The following MAP2 variants were observed in gnomAD, a reference collection of about 807,000 sequenced individuals.
MAP2 encodes the protein microtubule-associated protein 2.
In MAP2, 14 loss-of-function variants were observed where a neutral mutation model predicts 137.6. That is an observed-to-expected ratio of 0.10 (90% CI 0.07 to 0.16). The LOEUF is 0.16. Ranked by LOEUF, MAP2 falls within the 10% of genes least tolerant of loss-of-function variation. MAP2 has a pLI of 1.00. For missense variants in MAP2, 2,088 were observed against 2,191.5 expected, an observed-to-expected ratio of 0.95 and a Z score of 0.94; for synonymous variants, 786 against 782.3, an observed-to-expected ratio of 1.00 and a Z score of -0.08.
chr2:209,571,741 G>C (rs1017189442), intron 2 of MAP2, among the ~76,000 whole-genome samples: 1 of 151,972 alleles, frequency 6.6e-6, no homozygotes, highest in African/African-American at 2.4e-5. Context: ...GAGAAGACTA[G>C]AACTTTGAGT....
In MAP2 at chr2:209,694,984, T is replaced by A. The variant is rs773227871; in HGVS notation, c.2814T>A (p.His938Gln). 24 of 1,614,064 alleles carry A rather than the reference T, an allele frequency of 1.5e-5. No individual in the cohort carries two copies. The highest frequency in any genetic ancestry group is 1.7e-6 in the Non-Finnish European group (2 of 1,180,036). ...EFSVDKEASAHISGDKSGLSK... is the reference protein window; with the variant it reads ...EFSVDKEASAQISGDKSGLSK... ...GTGTTGACAAAGAAGCATCCGCGCA[T>A]ATCTCTGGTGACAAATCAGGACTGA... The change falls in exon 8 of 16, where the codon CAT becomes CAA. Residue 938 changes from histidine to glutamine, a missense_variant. Physicochemically the swap from His to Gln is conservative, Grantham distance 24 (BLOSUM62 0). Coordinates refer to ENST00000682079, the MANE Select transcript of MAP2 (RefSeq NM_001375505.1).
chr2:209,633,775 A>T (rs2093320744), intron 4 of MAP2, among the ~76,000 whole-genome samples: 1 of 152,122 alleles, frequency 6.6e-6, no homozygotes. Context: ...GCAGGAAAAG[A>T]TACGTTAAAG....
intron 5 of MAP2, chr2:209,661,795 C>T: frequency 2.0e-6 from 1 of 495,690 alleles, no homozygotes; most frequent in African/African-American, 2.1e-5. Context: ...AGGATTTGAA[C>T]CTAATTTAGG....
In MAP2 at chr2:209,712,849, A is replaced by G. The variant is rs1443209092; in HGVS notation, c.5073+2595A>G. Among the ~76,000 whole-genome samples the G allele has an allele frequency of 4.6e-5, 7 of 152,150 alleles. No individual in the cohort carries two copies. In the South Asian group the frequency reaches 1.2e-3, roughly 27 times the overall value. On this transcript the variant is annotated intron_variant, in intron 13 of 15. Coordinates refer to ENST00000682079, the MANE Select transcript of MAP2 (RefSeq NM_001375505.1). ...ATGACATGTTAAAGACCTTTATTAG[A>G]TGATCGAGCATCTATACATGCATAC...
At chr2:209,600,250 A>G (rs2082591123) in intron 3 of MAP2, among the ~76,000 whole-genome samples, 1 of 152,198 alleles carries the variant, frequency 6.6e-6, no homozygotes, top group Admixed American at 6.5e-5. Context: ...GGAACTGTAT[A>G]TTATCCAAAG....
intron 2 of MAP2, among the ~76,000 whole-genome samples, chr2:209,574,154 T>C (rs923959638): frequency 7.2e-5 from 11 of 152,178 alleles, no homozygotes; most frequent in African/African-American, 2.7e-4. Context: ...TTGCTCATTC[T>C]ACATGATGCT....
intron 3 of MAP2, among the ~76,000 whole-genome samples, chr2:209,581,509 C>T (rs971718751): frequency 6.6e-6 from 1 of 152,136 alleles, no homozygotes; most frequent in Admixed American, 6.5e-5. Flanking sequence ...AGGATTATTT[C>T]ACCTAGATAT....
At chr2:209,510,134 G>A (rs1371283766) in intron 2 of MAP2, among the ~76,000 whole-genome samples, 1 of 151,084 alleles carries the variant, frequency 6.6e-6, no homozygotes, top group Non-Finnish European at 1.5e-5. Flanking sequence ...TTAAAAAAAT[G>A]TGTATTGGTT....
At chr2:209,650,102 C>T (rs1243116370) in intron 4 of MAP2, among the ~76,000 whole-genome samples, 6 of 152,106 alleles carry the variant, frequency 3.9e-5, no homozygotes, top group Admixed American at 3.9e-4. Context: ...TTCCAGAAAG[C>T]TCTATGGCAG....
chr2:209,450,130 T>A (rs1700003492), intron 1 of MAP2, among the ~76,000 whole-genome samples: 1 of 151,992 alleles, frequency 6.6e-6, no homozygotes, highest in African/African-American at 2.4e-5. Context: ...TTAGTAGAGA[T>A]GGGGTTTCAC....
chr2:209,700,100 C>T (rs963843848), intron 10 of MAP2, among the ~76,000 whole-genome samples, 177 bp from the exon 11 acceptor site: 1 of 152,186 alleles, frequency 6.6e-6, no homozygotes, highest in African/African-American at 2.4e-5. Flanking sequence ...GTTGGAGCCA[C>T]ATGCTATGTT....
intron 2 of MAP2, among the ~76,000 whole-genome samples, chr2:209,548,546 A>G (rs2068532882): frequency 1.3e-5 from 2 of 152,212 alleles, no homozygotes; most frequent in African/African-American, 4.8e-5. Flanking sequence ...TCAGAAAAAT[A>G]TTAGCCAGAA....
intron 1 of MAP2, among the ~76,000 whole-genome samples, chr2:209,476,482 C>G (rs1559211177): frequency 6.6e-6 from 1 of 151,824 alleles, no homozygotes; most frequent in Non-Finnish European, 1.5e-5. Context: ...ACTAGCCATC[C>G]TGAAAGTGAA....
chr2:209,553,947 G>A (rs962608003), intron 2 of MAP2, among the ~76,000 whole-genome samples: 12 of 152,190 alleles, frequency 7.9e-5, no homozygotes, highest in African/African-American at 1.9e-4. Context: ...AGCTGTCCTC[G>A]TGATGTCACT....
At chr2:209,609,245 T>A (rs985367731) in intron 3 of MAP2, among the ~76,000 whole-genome samples, 2 of 152,114 alleles carry the variant, frequency 1.3e-5, no homozygotes, top group African/African-American at 4.8e-5. Context: ...TTTCAAAAAA[T>A]TAATATTTAC....
At chr2:209,660,559 A>AT (rs535880574) in intron 5 of MAP2, among the ~76,000 whole-genome samples, 6,651 of 143,302 alleles carry the variant, frequency 0.046, 197 homozygotes, top group African/African-American at 0.09. Flanking sequence ...AGCCCGGCTA[A>AT]TTTTTTTTGT....
intron 3 of MAP2, among the ~76,000 whole-genome samples, chr2:209,585,804 A>AT (rs1407742034): frequency 6.6e-5 from 10 of 152,296 alleles, no homozygotes; most frequent in African/African-American, 2.2e-4. Context: ...ACTGTATTCT[A>AT]TTTTGTCAAA....
chr2:209,685,334 A>C (rs371492599), intron 7 of MAP2, among the ~76,000 whole-genome samples: 8 of 152,200 alleles, frequency 5.3e-5, no homozygotes, highest in African/African-American at 1.9e-4. Flanking sequence ...TAAAATTATT[A>C]TGTCTTCCAT....
At chr2:209,637,211 G>T (rs1044437978) in intron 4 of MAP2, among the ~76,000 whole-genome samples, 3 of 152,150 alleles carry the variant, frequency 2.0e-5, no homozygotes, top group African/African-American at 7.2e-5. Flanking sequence ...GGGAGGCCAA[G>T]GTGGGCAGAT....
Sources: allele counts gnomAD v4.1 joint callset (sites outside exome capture counted in the v4.1 genomes callset), GRCh38; gene constraint gnomAD v4.1.1; transcripts MANE v1.5; gene names NCBI Gene and HGNC (gene_info 2026-07-23, HGNC 2026-07-21).